SLC17A5: variants seen among roughly 807,000 people sequenced by gnomAD.
SLC17A5 encodes solute carrier family 17 member 5, also known as sialin.
SLC17A5 carries 47 observed loss-of-function variants against 59.4 expected under a neutral mutation model. That is an observed-to-expected ratio of 0.79 (90% CI 0.63 to 1.01). The LOEUF (loss-of-function observed/expected upper bound fraction) is 1.01, where lower values mean the gene tolerates loss of function less well. Ranked by LOEUF, SLC17A5 falls within the 50% of genes least tolerant of loss-of-function variation. The probability of loss-of-function intolerance (pLI) is 0.00; values close to 1 mark genes in which losing one functional copy is unlikely to be tolerated. For missense variants in SLC17A5, 522 were observed against 595.5 expected, an observed-to-expected ratio of 0.88 and a Z score of 1.28; for synonymous variants, 202 against 210.7, an observed-to-expected ratio of 0.96 and a Z score of 0.36.
chr6:73,601,952 T>C (rs1052102764), intron 9 of SLC17A5, among the ~76,000 whole-genome samples: 5 of 151,838 alleles, frequency 3.3e-5, no homozygotes, highest in African/African-American at 1.2e-4. Flanking sequence ...CAACAGCTCA[T>C]TGAGAACGGG....
chr6:73,623,853 A>G (rs1382638152), intron 6 of SLC17A5, among the ~76,000 whole-genome samples: 1 of 151,308 alleles, frequency 6.6e-6, no homozygotes, highest in East Asian at 2.0e-4. Context: ...ACGTGCCACC[A>G]TGTCTGGCAA....
chr6:73,601,699 C>A (rs1225132340), intron 9 of SLC17A5, among the ~76,000 whole-genome samples: 1 of 108,934 alleles, frequency 9.2e-6, no homozygotes, highest in Non-Finnish European at 2.0e-5. Context: ...GGGTGGTCAG[C>A]CCCCCGCCCG....
chr6:73,595,156 C>T lies in SLC17A5; in HGVS notation c.1409G>A (p.Gly470Asp). The T allele has an allele frequency of 6.2e-7, 1 of 1,614,024 alleles. No homozygotes were observed. The highest frequency in any genetic ancestry group is 8.5e-7 in the Non-Finnish European group (1 of 1,180,018). Reference sequence around the variant, plus strand: ...GGCGAATAGTGTAAAGAAAATGGCACCAAAAACATTAATAGCAGCAGCAAT... The same window carrying T: ...GGCGAATAGTGTAAAGAAAATGGCATCAAAAACATTAATAGCAGCAGCAAT... Reference protein sequence around the residue: ...FYIAAAINVFGAIFFTLFAKG... With the variant: ...FYIAAAINVFDAIFFTLFAKG... The change falls in exon 11 of 11, where the codon GGT becomes GAT. Residue 470 changes from glycine (G) to aspartate (D), a missense_variant. Physicochemically the swap from Gly to Asp is moderately conservative, Grantham distance 94. Coordinates refer to ENST00000355773, the MANE Select transcript of SLC17A5 (RefSeq NM_012434.5).
chr6:73,621,535 A>G (rs116892290), intron 7 of SLC17A5, among the ~76,000 whole-genome samples: 2 of 152,280 alleles, frequency 1.3e-5, no homozygotes, highest in Non-Finnish European at 2.9e-5. Flanking sequence ...TTAAAAACTG[A>G]GTTGTCTTTT....
At chr6:73,641,945 T>C in intron 2 of SLC17A5, 21 bp from the exon 3 acceptor site, 1 of 1,594,918 alleles carries the variant, frequency 6.3e-7, no homozygotes, top group Middle Eastern at 1.7e-4. Flanking sequence ...CAGAAAAGAA[T>C]AAAACAATCC....
At chr6:73,622,538 G>A (rs1768200468) in intron 6 of SLC17A5, among the ~76,000 whole-genome samples, 1 of 152,106 alleles carries the variant, frequency 6.6e-6, no homozygotes, top group Admixed American at 6.6e-5. Context: ...CTGACTGCAA[G>A]TGATCCGACC....
chr6:73,607,572 A>G (rs999244569), intron 9 of SLC17A5, among the ~76,000 whole-genome samples: 3 of 151,958 alleles, frequency 2.0e-5, no homozygotes, highest in African/African-American at 7.3e-5. Context: ...GGCCGACCAT[A>G]GCTCCAATTT....
At chr6:73,650,399 C>CT (rs1320804605) in intron 1 of SLC17A5, among the ~76,000 whole-genome samples, 1 of 147,920 alleles carries the variant, frequency 6.8e-6, no homozygotes, top group African/African-American at 2.5e-5. Flanking sequence ...GTCCCAGCTA[C>CT]TCGGAGGCTG....
intron 7 of SLC17A5, among the ~76,000 whole-genome samples, chr6:73,619,428 C>T (rs1225785746): frequency 6.6e-6 from 1 of 152,006 alleles, no homozygotes; most frequent in Non-Finnish European, 1.5e-5. Context: ...TGGTTCATGC[C>T]TGTAATCCCA....
At chr6:73,636,759 T>C in intron 4 of SLC17A5, 52 bp from the exon 5 acceptor site, 3 of 1,320,506 alleles carry the variant, frequency 2.3e-6, no homozygotes, top group Non-Finnish European at 3.3e-6. Flanking sequence ...GAAACAAGGA[T>C]AGGACAGACA....
In SLC17A5 at chr6:73,621,855, C is replaced by T; in HGVS notation, c.927G>A (p.Leu309=). Residue 309 remains leucine (L), a synonymous_variant, in exon 7 of 11, where the codon TTG becomes TTA. Transcript: ENST00000355773. ...CCTTCATATAAGTAGGCAATAATGT[C>T]AATAAAGTATAAAAAGTCCAGTTGT... ...FSYNWTFYTL[L]TLLPTYMKEI... The T allele has an allele frequency of 6.2e-7, 1 of 1,613,298 alleles. No homozygotes were observed. The highest frequency in any genetic ancestry group is 8.5e-7 in the Non-Finnish European group (1 of 1,179,382).
chr6:73,602,599 C>T (rs1767196023), intron 9 of SLC17A5, among the ~76,000 whole-genome samples: 1 of 151,922 alleles, frequency 6.6e-6, no homozygotes, highest in South Asian at 2.1e-4. Flanking sequence ...ATGGTGAAAC[C>T]CCGTCTCTAC....
rs71000136 is a variant in SLC17A5, at chr6:73,602,774, C to CA, written c.1260-2334dup. Among the ~76,000 whole-genome samples the CA allele has an allele frequency of 6.5e-3, 659 of 100,626 alleles. 3 individuals carry two copies. The highest frequency in any genetic ancestry group is 7.9e-3 in the Non-Finnish European group (377 of 47,586). 66.0% of individuals were successfully genotyped at this position (100,626 alleles called of 152,430 possible). A position where few individuals can be genotyped will look rare whatever the true frequency, so the allele number is the denominator to read the frequency against. On this transcript the variant is annotated intron_variant, in intron 9 of 10. Coordinates refer to ENST00000355773, the MANE Select transcript of SLC17A5 (RefSeq NM_012434.5). ...TGGCCGACAGAGCGAGACTCCGTCT[C>CA]AAAAAAAAAAAAAAAAAAATTACAT...
intron 4 of SLC17A5, among the ~76,000 whole-genome samples, chr6:73,637,753 T>C (rs1394695634): frequency 6.6e-6 from 1 of 152,214 alleles, no homozygotes; most frequent in African/African-American, 2.4e-5. Context: ...GATTTTAGCT[T>C]AAAAGTACCA....
intron 9 of SLC17A5, among the ~76,000 whole-genome samples, chr6:73,603,558 T>G (rs138783878): frequency 1.7e-3 from 253 of 151,932 alleles, no homozygotes; most frequent in Non-Finnish European, 2.6e-3. Context: ...GTAGCTGGGA[T>G]TACAGGCATG....
At chr6:73,635,594 C>T (rs892432310) in intron 5 of SLC17A5, 94 bp from the exon 6 acceptor site, 1 of 649,966 alleles carries the variant, frequency 1.5e-6, no homozygotes, top group Non-Finnish European at 2.7e-6. Flanking sequence ...GCACCAACAA[C>T]AATTTTTACA....
At chr6:73,607,977 A>G (rs189568124) in intron 9 of SLC17A5, among the ~76,000 whole-genome samples, 366 of 151,952 alleles carry the variant, frequency 2.4e-3, no homozygotes, top group African/African-American at 8.4e-3. Flanking sequence ...GGGTTTCACC[A>G]TGTTGGCCAG....
chr6:73,625,333 C>T (rs575640872), intron 6 of SLC17A5, among the ~76,000 whole-genome samples: 42 of 151,316 alleles, frequency 2.8e-4, no homozygotes, highest in African/African-American at 9.9e-4. Context: ...ATTATAGGCA[C>T]CCGCCACCAC....
chr6:73,650,499 C>T (rs1435291632), intron 1 of SLC17A5, among the ~76,000 whole-genome samples: 8 of 126,460 alleles, frequency 6.3e-5, no homozygotes, highest in African/African-American at 2.6e-4. Context: ...AAGAGCAAGA[C>T]TCCGTCTCAA....
Sources: allele counts gnomAD v4.1 joint callset (sites outside exome capture counted in the v4.1 genomes callset), GRCh38; gene constraint gnomAD v4.1.1; transcripts MANE v1.5; gene names NCBI Gene and HGNC (gene_info 2026-07-23, HGNC 2026-07-21).